Variants in SMARCC1 observed in about 807,000 individuals in gnomAD.
SMARCC1 encodes SWI/SNF related BAF chromatin remodeling complex subunit C1.
A neutral mutation model predicts 147.4 loss-of-function variants in SMARCC1; 43 were observed. That is an observed-to-expected ratio of 0.29 (90% confidence interval 0.23 to 0.38). The LOEUF is 0.38. SMARCC1 is among the 10% of genes least tolerant of loss of function. The pLI, the probability that SMARCC1 is intolerant of heterozygous loss-of-function variation, is 1.00. For missense variants in SMARCC1, 1,119 were observed against 1,381.1 expected, an observed-to-expected ratio of 0.81 and a Z score of 3.01; for synonymous variants, 495 against 484.4, an observed-to-expected ratio of 1.02 and a Z score of -0.29.
chr3:47,608,850 A>C (rs968836995), intron 26 of SMARCC1, among the ~76,000 whole-genome samples: 4 of 15,456 alleles, frequency 2.6e-4, no homozygotes, highest in East Asian at 2.6e-3. Flanking sequence ...CAGTGTCTTT[A>C]AAAAAAAAAA....
intron 21 of SMARCC1, among the ~76,000 whole-genome samples, chr3:47,660,372 G>C (rs7653144): frequency 0.01 from 1,535 of 150,080 alleles, 23 homozygotes; most frequent in African/African-American, 0.036. Flanking sequence ...CGTGAACCAG[G>C]GAGGCAGAGC....
chr3:47,633,779 T>TGTACAC (rs1553676858), intron 24 of SMARCC1, among the ~76,000 whole-genome samples: 1 of 28,864 alleles, frequency 3.5e-5, no homozygotes, highest in African/African-American at 1.1e-4. Context: ...TATATATATA[T>TGTACAC]ACACACACAC....
intron 2 of SMARCC1, among the ~76,000 whole-genome samples, chr3:47,761,119 C>G (rs996122270): frequency 3.0e-4 from 44 of 146,624 alleles, no homozygotes; most frequent in African/African-American, 1.1e-3. Flanking sequence ...GGTAACAGAG[C>G]AAGACTCTGT....
rs1553681999 is a variant in SMARCC1, at chr3:47,671,196, A to AAC, written c.1840-480_1840-479insGT. Among the ~76,000 whole-genome samples the AAC allele has an allele frequency of 1.8e-3, 144 of 81,194 alleles. 1 individual carries two copies. The highest frequency in any genetic ancestry group is 1.8e-3 in the African/African-American group (44 of 25,076). The allele number at this position is 81,194 out of a possible 152,430, so 53.3% of individuals were successfully genotyped here. A position where few individuals can be genotyped will look rare whatever the true frequency, so the allele number is the denominator to read the frequency against. On this transcript the variant is annotated intron_variant, in intron 18 of 27. Coordinates refer to ENST00000254480, the MANE Select transcript of SMARCC1 (RefSeq NM_003074.4). ...CTCAAAAAAAAAAAAAAAAAAAAAA[A>AAC]AACACACACAAAAACCAAAACCAAA...
At chr3:47,636,622 G>A (rs1300631934) in intron 22 of SMARCC1, among the ~76,000 whole-genome samples, 1 of 152,006 alleles carries the variant, frequency 6.6e-6, no homozygotes, top group Non-Finnish European at 1.5e-5. Flanking sequence ...GCATGGTGAT[G>A]GGAACCTATA....
intron 2 of SMARCC1, among the ~76,000 whole-genome samples, chr3:47,759,286 T>C (rs2034742755): frequency 6.6e-6 from 1 of 151,198 alleles, no homozygotes; most frequent in African/African-American, 2.4e-5. Flanking sequence ...ATGCTTGGAT[T>C]ATGGGAGTGA....
rs1458331712 is a variant in SMARCC1 at position 47,586,078 on chromosome 3, G to C, written c.*2131C>G. The C allele has an allele frequency of 6.6e-6, 1 of 152,248 alleles. No homozygotes were observed. The highest frequency in any genetic ancestry group is 1.5e-5 in the Non-Finnish European group (1 of 67,988). 9.4% of individuals were successfully genotyped at this position (152,248 alleles called of 1,614,324 possible). A position where few individuals can be genotyped will look rare whatever the true frequency, so the allele number is the denominator to read the frequency against. ...CACAAAATCAGGTGGCTGAATTACA[G>C]GAATAAAACCAGATCAAAGACATGA... On this transcript the variant is annotated 3_prime_UTR_variant, in exon 28 of 28. Transcript: ENST00000254480.
At chr3:47,598,656 C>T (rs1308899542) in intron 26 of SMARCC1, among the ~76,000 whole-genome samples, 3 of 151,756 alleles carry the variant, frequency 2.0e-5, no homozygotes, top group Admixed American at 2.0e-4. Context: ...ATAGTGAAAC[C>T]TCGTCTCTAC....
At chr3:47,713,966 G>A (rs536775150) in intron 8 of SMARCC1, among the ~76,000 whole-genome samples, 3 of 152,298 alleles carry the variant, frequency 2.0e-5, no homozygotes, top group East Asian at 1.9e-4. Flanking sequence ...CTTCATGGCC[G>A]TACGTATCTT....
At chr3:47,663,606 G>A (rs2033380535) in intron 19 of SMARCC1, 1 of 1,490,524 alleles carries the variant, frequency 6.7e-7, no homozygotes, top group Non-Finnish European at 9.3e-7. Flanking sequence ...CTGCTGCTGT[G>A]GCCCAGACAT....
chr3:47,675,241 A>G (rs908660329), intron 18 of SMARCC1, among the ~76,000 whole-genome samples: 3 of 152,214 alleles, frequency 2.0e-5, no homozygotes, highest in Non-Finnish European at 4.4e-5. Flanking sequence ...AATATTCATG[A>G]TTCTTTTTAC....
chr3:47,729,019 A>C lies in SMARCC1; in HGVS notation c.646+6T>G, dbSNP rs764947260. On this transcript the variant is annotated splice_donor_region_variant and intron_variant, in intron 6 of 27. Transcript: ENST00000254480. ...CTCATCTGTTCACAACGCAAAACTA[A>C]CTTACCATCGTCTTGTGAGGAAGAA... The C allele has an allele frequency of 2.5e-6, 4 of 1,602,594 alleles. No homozygotes were observed. Among genetic ancestry groups the C allele is most frequent in the Non-Finnish European group, 3.4e-6 (4 of 1,170,714 alleles).
At chr3:47,771,302 T>C (rs924750536) in intron 2 of SMARCC1, among the ~76,000 whole-genome samples, 2 of 152,146 alleles carry the variant, frequency 1.3e-5, no homozygotes, top group African/African-American at 4.8e-5. Flanking sequence ...GGTCTACTGA[T>C]CATAGATTCA....
intron 2 of SMARCC1, among the ~76,000 whole-genome samples, chr3:47,772,376 G>A (rs1483787671): frequency 6.6e-6 from 1 of 152,192 alleles, no homozygotes; most frequent in Non-Finnish European, 1.5e-5. Flanking sequence ...CTGGGCAACA[G>A]AACAAGATCC....
intron 14 of SMARCC1, among the ~76,000 whole-genome samples, chr3:47,685,805 C>T (rs1316995676): frequency 5.9e-5 from 9 of 152,010 alleles, no homozygotes; most frequent in Admixed American, 4.6e-4. Context: ...TGCAGTGAGT[C>T]GAGATCATAC....
At chr3:47,592,979 C>A (rs953089105) in intron 26 of SMARCC1, among the ~76,000 whole-genome samples, 2 of 151,942 alleles carry the variant, frequency 1.3e-5, no homozygotes, top group Admixed American at 1.3e-4. Flanking sequence ...ACCACCATGC[C>A]TGGCTCTTTT....
chr3:47,756,931 G>T lies in SMARCC1; in HGVS notation c.316-10938C>A, dbSNP rs2034705138. On this transcript the variant is annotated intron_variant, in intron 2 of 27. Coordinates refer to ENST00000254480, the MANE Select transcript of SMARCC1 (RefSeq NM_003074.4). The stretch of plus-strand genomic sequence containing the variant: ...GAAGAGATCTGGAATAAATATTTCT[G>T]ACCAATGAACCATATCCAGAATACC... Among the ~76,000 whole-genome samples the T allele has an allele frequency of 3.3e-5, 5 of 152,078 alleles. No individual in the cohort carries two copies. In the South Asian group the frequency reaches 1.0e-3, roughly 31 times the overall value.
At chr3:47,603,904 A>G (rs2032426896) in intron 26 of SMARCC1, 1 of 399,954 alleles carries the variant, frequency 2.5e-6, no homozygotes, top group South Asian at 1.9e-5. Flanking sequence ...AGAGACAGGA[A>G]CAAAATCTAC....
intron 24 of SMARCC1, among the ~76,000 whole-genome samples, chr3:47,630,748 A>G (rs1181047162): frequency 6.6e-6 from 1 of 152,190 alleles, no homozygotes; most frequent in Non-Finnish European, 1.5e-5. Flanking sequence ...AAAGTATACA[A>G]TGACATTTTT....
Sources: gnomAD v4.1 joint callset for allele counts (sites outside exome capture counted in the v4.1 genomes callset) on GRCh38, gnomAD v4.1.1 for gene constraint, MANE v1.5 for transcripts, NCBI Gene and HGNC (gene_info 2026-07-23, HGNC 2026-07-21) for gene names.